The following SH2D4B variants were observed in gnomAD, a reference collection of about 807,000 sequenced individuals.
The protein encoded by SH2D4B is SH2 domain containing 4B.
SH2D4B carries 45 observed loss-of-function variants against 61.5 expected under a neutral mutation model. The ratio of observed to expected loss-of-function variants is 0.73; its 90% CI spans 0.58 to 0.94. The LOEUF is 0.94. Among genes scored for constraint, SH2D4B ranks in the 40% least tolerant of loss-of-function variants. The probability of loss-of-function intolerance (pLI) is 0.00; values close to 1 mark genes in which losing one functional copy is unlikely to be tolerated. For synonymous variants in SH2D4B, 224 were observed against 220.4 expected, an observed-to-expected ratio of 1.02 and a Z score of -0.14; for missense variants, 572 against 574.2, an observed-to-expected ratio of 1.00 and a Z score of 0.04.
intron 3 of SH2D4B, among the ~76,000 whole-genome samples, chr10:80,586,368 G>A (rs7906605): frequency 0.099 from 15,048 of 151,820 alleles, 911 homozygotes; most frequent in African/African-American, 0.17. Flanking sequence ...GAACCTTTAT[G>A]TCTAGCTAGG....
At chr10:80,607,832 A>G (rs1225542184) in intron 5 of SH2D4B, among the ~76,000 whole-genome samples, 1 of 152,210 alleles carries the variant, frequency 6.6e-6, no homozygotes, top group African/African-American at 2.4e-5. Flanking sequence ...CCTGTCACTC[A>G]GTTGGAAATG....
At chr10:80,572,984 A>ATTTTTTTTTTTTTTTTTTTTTTTTTT (rs1283153702) in intron 3 of SH2D4B, among the ~76,000 whole-genome samples, 1 of 8,294 alleles carries the variant, frequency 1.2e-4, no homozygotes, top group Non-Finnish European at 2.1e-4. Flanking sequence ...ATATATATAT[A>ATTTTTTTTTTTTTTTTTTTTTTTTTT]TATTTTTTTT....
intron 3 of SH2D4B, among the ~76,000 whole-genome samples, chr10:80,572,969 TATATATATA>T (rs1842072669): frequency 2.1e-4 from 2 of 9,314 alleles, no homozygotes; most frequent in Non-Finnish European, 4.4e-4. Flanking sequence ...TATATATATA[TATATATATA>T]TATATATATT....
At chr10:80,544,890 C>T (rs1841649527) in intron 1 of SH2D4B, among the ~76,000 whole-genome samples, 1 of 152,200 alleles carries the variant, frequency 6.6e-6, no homozygotes, top group African/African-American at 2.4e-5. Flanking sequence ...CCACCATGTG[C>T]ATCCTTCTGC....
In SH2D4B at chr10:80,643,975, C is replaced by T; in HGVS notation, c.1210-18C>T. 1 of 1,602,386 alleles carries T rather than the reference C, an allele frequency of 6.2e-7. No individual in the cohort carries two copies. The highest frequency in any genetic ancestry group is 1.7e-5 in the Admixed American group (1 of 59,640). On this transcript the variant is annotated intron_variant, in intron 7 of 7. Transcript: ENST00000646907. Reference sequence around the variant, plus strand: ...CTGTCTTGATTATAAGTGGATTTTCCTTTTTTTTCTGTTTTAGGAGGAAAT... The same window carrying T: ...CTGTCTTGATTATAAGTGGATTTTCTTTTTTTTTCTGTTTTAGGAGGAAAT...
At chr10:80,625,562 T>A (rs943970737) in intron 6 of SH2D4B, among the ~76,000 whole-genome samples, 1 of 148,622 alleles carries the variant, frequency 6.7e-6, no homozygotes, top group African/African-American at 2.6e-5. Context: ...TTTTGAATTT[T>A]TTTTCTTTTT....
chr10:80,593,395 A>C (rs1450608996), intron 4 of SH2D4B, among the ~76,000 whole-genome samples: 2 of 152,218 alleles, frequency 1.3e-5, no homozygotes, highest in Non-Finnish European at 2.9e-5. Flanking sequence ...TATAGTTTTC[A>C]GTGTAGAAGC....
At chr10:80,582,110 ACTT>A (rs1324673503) in intron 3 of SH2D4B, among the ~76,000 whole-genome samples, 1 of 152,176 alleles carries the variant, frequency 6.6e-6, no homozygotes, top group African/African-American at 2.4e-5. Flanking sequence ...AAGGTAAGTG[ACTT>A]CTTCTAATTG....
At chr10:80,643,144 C>CT (rs1261860111) in intron 7 of SH2D4B, 1 of 151,978 alleles carries the variant, frequency 6.6e-6, no homozygotes, top group Non-Finnish European at 1.5e-5. Flanking sequence ...TGCTGAATTG[C>CT]TTTTTAGTTA....
rs1462781605 is a variant in SH2D4B at position 80,538,645 on chromosome 10, G to A, written c.184+130G>A. ...TGAGGGCTGGGGGCTTGAAACCCTT[G>A]TCTTGTGGGCATCAGGTCCCATGAG... On this transcript the variant is annotated intron_variant, in intron 1 of 7. Coordinates refer to ENST00000646907, the MANE Select transcript of SH2D4B (RefSeq NM_001388272.1). The surrounding 1 kb of genome is among the most constrained non-coding windows in gnomAD (Gnocchi z 4.8). 1 of 774,430 alleles carries A rather than the reference G, an allele frequency of 1.3e-6. No individual in the cohort carries two copies. Among genetic ancestry groups the A allele is most frequent in the Non-Finnish European group, 1.8e-6 (1 of 555,338 alleles). 48.0% of individuals were successfully genotyped at this position (774,430 alleles called of 1,614,324 possible). A position where few individuals can be genotyped will look rare whatever the true frequency, so the allele number is the denominator to read the frequency against.
intron 7 of SH2D4B, among the ~76,000 whole-genome samples, chr10:80,638,460 C>T (rs1840228673): frequency 6.6e-6 from 1 of 152,184 alleles, no homozygotes; most frequent in South Asian, 2.1e-4. Flanking sequence ...GCCTCAATTT[C>T]AGAGCCTGTT....
intron 7 of SH2D4B, among the ~76,000 whole-genome samples, chr10:80,639,761 G>A (rs186462258): frequency 4.6e-5 from 7 of 151,994 alleles, no homozygotes; most frequent in Non-Finnish European, 1.0e-4. Flanking sequence ...TTTTAATTGG[G>A]GCATTTAGTC....
Position 80,603,739 on chromosome 10 carries a change from ACT to A in SH2D4B, c.807_808del (p.Tyr270ProfsTer37). The A allele has an allele frequency of 6.2e-7, 1 of 1,613,050 alleles. No individual in the cohort carries two copies. Among genetic ancestry groups the A allele is most frequent in the South Asian group, 1.1e-5 (1 of 90,988 alleles). The part of the protein sequence containing the change: ...LGQSHEQEAR[L>X]YHHLPDPGLP... ...GCCAGAGCCATGAGCAGGAGGCAAG[ACT>A]CTACCACCACCTCCCCGACCCGGGT... is the stretch of plus-strand genomic sequence containing the variant. On this transcript the variant is annotated frameshift_variant, in exon 5 of 8. Transcript: ENST00000646907. LOFTEE classifies it high-confidence loss of function.
At chr10:80,625,583 C>T (rs10785971) in intron 6 of SH2D4B, among the ~76,000 whole-genome samples, 54,525 of 132,820 alleles carry the variant, frequency 0.41, 11,146 homozygotes, top group African/African-American at 0.59. Flanking sequence ...CTTTTTTTTT[C>T]TTTTTTTGAG....
intron 1 of SH2D4B, among the ~76,000 whole-genome samples, chr10:80,569,366 C>T (rs966449070): frequency 1.1e-4 from 16 of 152,106 alleles, no homozygotes; most frequent in Admixed American, 7.9e-4. Flanking sequence ...TAGCAAAGTC[C>T]AAAGCTTGTA....
At chr10:80,618,996 C>T (rs554620309) in intron 6 of SH2D4B, among the ~76,000 whole-genome samples, 7 of 152,220 alleles carry the variant, frequency 4.6e-5, no homozygotes, top group East Asian at 3.9e-4. Context: ...TTTCCTTTCC[C>T]GGGGTGCAGC....
chr10:80,600,521 A>ATGTGTGTGTGTGTG (rs67885510), intron 4 of SH2D4B, among the ~76,000 whole-genome samples: 1 of 127,892 alleles, frequency 7.8e-6, no homozygotes, highest in African/African-American at 2.7e-5. Flanking sequence ...GCAGAGTGGC[A>ATGTGTGTGTGTGTG]TGTGTGTGTG....
chr10:80,594,557 G>A (rs541534355), intron 4 of SH2D4B, among the ~76,000 whole-genome samples: 2 of 152,194 alleles, frequency 1.3e-5, no homozygotes, highest in Non-Finnish European at 2.9e-5. Context: ...TTGTAAAGAG[G>A]AATTAATTTT....
chr10:80,624,524 T>C (rs1442082229), intron 6 of SH2D4B, among the ~76,000 whole-genome samples: 1 of 152,208 alleles, frequency 6.6e-6, no homozygotes, highest in African/African-American at 2.4e-5. Context: ...AATGTGAGAG[T>C]CACTTTTTAT....
Sources: gnomAD v4.1 joint callset for allele counts (sites outside exome capture counted in the v4.1 genomes callset) on GRCh38, gnomAD v4.1.1 for gene constraint, Gnocchi (gnomAD v3.1) non-coding constraint, MANE v1.5 for transcripts, NCBI Gene and HGNC (gene_info 2026-07-23, HGNC 2026-07-21) for gene names.